The following RNF220 variants were observed in gnomAD, a reference collection of about 807,000 sequenced individuals.
RNF220 encodes ring finger protein 220, also known as E3 ubiquitin-protein ligase RNF220.
Under a neutral mutation model 67.1 loss-of-function variants are expected in RNF220, and 7 were observed. That is an observed-to-expected ratio of 0.10 (90% CI 0.06 to 0.20). RNF220 has a LOEUF of 0.20. Among genes scored for constraint, RNF220 ranks in the 10% least tolerant of loss-of-function variants. The pLI is 1.00. For missense variants in RNF220, 565 were observed against 740.3 expected (o/e 0.76, Z 2.75); for synonymous variants, 270 against 283.2 (o/e 0.95, Z 0.47).
At chr1:44,423,152 G>C (rs929538808) in intron 2 of RNF220, among the ~76,000 whole-genome samples, 1 of 152,194 alleles carries the variant, frequency 6.6e-6, no homozygotes, top group East Asian at 1.9e-4. Context: ...ATCTAATCTT[G>C]TCTAAGAGTC....
At chr1:44,551,433 A>G (rs1662627484) in intron 2 of RNF220, among the ~76,000 whole-genome samples, 1 of 151,400 alleles carries the variant, frequency 6.6e-6, no homozygotes, top group Non-Finnish European at 1.5e-5. Context: ...TGTTATTATT[A>G]ATAGGACTGA....
At chr1:44,520,264 C>T (rs767804200) in intron 2 of RNF220, among the ~76,000 whole-genome samples, 4 of 151,712 alleles carry the variant, frequency 2.6e-5, no homozygotes, top group East Asian at 1.9e-4. Flanking sequence ...AGATCGAGAC[C>T]GTCCTGGCTA....
intron 2 of RNF220, among the ~76,000 whole-genome samples, chr1:44,504,342 C>G (rs1658218117): frequency 1.3e-5 from 2 of 152,208 alleles, no homozygotes; most frequent in South Asian, 2.1e-4. Flanking sequence ...TTGGGCTAAT[C>G]TGCCCAAGGA....
chr1:44,604,256 G>A (rs1224811500), intron 2 of RNF220, among the ~76,000 whole-genome samples: 1 of 152,200 alleles, frequency 6.6e-6, no homozygotes, highest in Non-Finnish European at 1.5e-5. Flanking sequence ...GCATGTGCAG[G>A]TCCACATGTG....
intron 5 of RNF220, among the ~76,000 whole-genome samples, chr1:44,630,565 C>A (rs1017279466): frequency 6.6e-6 from 1 of 152,202 alleles, no homozygotes; most frequent in African/African-American, 2.4e-5. Flanking sequence ...CTTCCAAGTA[C>A]AAGGGACAGA....
chr1:44,556,734 A>G (rs773754658), intron 2 of RNF220, among the ~76,000 whole-genome samples: 1 of 151,382 alleles, frequency 6.6e-6, no homozygotes, highest in Non-Finnish European at 1.5e-5. Context: ...AATTTTTTCC[A>G]TTTTTTAGTA....
rs868585596 is a variant in RNF220 at position 44,527,925 on chromosome 1, C to A, written c.626-86240C>A. Among the ~76,000 whole-genome samples, 175 of 56,190 alleles carry A rather than the reference C, an allele frequency of 3.1e-3. 33 individuals are homozygous for A. Among genetic ancestry groups the A allele is most frequent in the Middle Eastern group, 0.011 (1 of 88 alleles). The allele number at this position is 56,190 out of a possible 152,430, so 36.9% of individuals were successfully genotyped here. ...TGGGTGACAGAGCAAGACTCCATCC[C>A]AAAAAAAAAAAAAAAAAAAAAAAAA... On this transcript the variant is annotated intron_variant, in intron 2 of 14. Coordinates refer to ENST00000361799, the MANE Select transcript of RNF220 (RefSeq NM_018150.4).
chr1:44,412,046 C>G lies in RNF220; in HGVS notation c.-52C>G. 1.3e-6 allele frequency: 2 copies of G among 1,561,494 alleles called. No homozygotes were observed. Among genetic ancestry groups the G allele is most frequent in the Admixed American group, 1.8e-5 (1 of 54,464 alleles). ...TGACCCAAAGTGCTGGTTGGCCTCC[C>G]TCCCAGGGAAGACTGCTTCTTGCGT... On this transcript the variant is annotated 5_prime_UTR_variant, in exon 2 of 15. Coordinates refer to ENST00000361799, the MANE Select transcript of RNF220 (RefSeq NM_018150.4). The surrounding 1 kb of genome is among the most constrained non-coding windows in gnomAD (Gnocchi z 5.3).
chr1:44,637,824 CGAGAAT>C (rs1433828135), intron 8 of RNF220, among the ~76,000 whole-genome samples: 9 of 152,168 alleles, frequency 5.9e-5, no homozygotes, highest in Non-Finnish European at 2.9e-5. Context: ...ATTTGGAGAG[CGAGAAT>C]GAGAGTGAGA....
intron 2 of RNF220, among the ~76,000 whole-genome samples, chr1:44,446,545 G>A (rs367559157): frequency 1.7e-4 from 26 of 150,666 alleles, no homozygotes; most frequent in African/African-American, 4.9e-4. Context: ...GGACCGGGCC[G>A]TTCCTTGGAG....
rs576592330 is a variant in RNF220, at chr1:44,454,047, G to A, written c.625+41325G>A. ...TGTATGAGAGAATGAGAGGGAAAGAGTCAAAACATCTTAGTATCATTATCA... is the reference window on the plus strand; with the variant it reads ...TGTATGAGAGAATGAGAGGGAAAGAATCAAAACATCTTAGTATCATTATCA... On this transcript the variant is annotated intron_variant, in intron 2 of 14. Transcript: ENST00000361799. Among the ~76,000 whole-genome samples the A allele has an allele frequency of 3.9e-5, 6 of 152,322 alleles. No individual in the cohort carries two copies. The South Asian group carries it at 1.0e-3, about 26-fold the overall frequency.
intron 5 of RNF220, 135 bp from the exon 6 acceptor site, chr1:44,632,208 A>C: frequency 6.2e-7 from 1 of 1,602,388 alleles, no homozygotes; most frequent in Non-Finnish European, 8.5e-7. Flanking sequence ...GGAGGGAGGA[A>C]GTAGGTTTGT....
chr1:44,576,621 C>T (rs1240305375), intron 2 of RNF220, among the ~76,000 whole-genome samples: 3 of 152,064 alleles, frequency 2.0e-5, no homozygotes, highest in Non-Finnish European at 2.9e-5. Flanking sequence ...ACCGGATTTG[C>T]CTTGTAAACA....
chr1:44,626,982 A>T (rs1239762529), intron 5 of RNF220: 1 of 137,054 alleles, frequency 7.3e-6, no homozygotes. Flanking sequence ...GGTTGCAGTG[A>T]GCCAAGATTG....
At chr1:44,501,480 C>T (rs1046781871) in intron 2 of RNF220, among the ~76,000 whole-genome samples, 5 of 152,180 alleles carry the variant, frequency 3.3e-5, no homozygotes, top group Admixed American at 2.0e-4. Context: ...AGAGGAGGAG[C>T]AGGCGTCCCA....
intron 2 of RNF220, among the ~76,000 whole-genome samples, chr1:44,495,252 CAA>C (rs55870438): frequency 1.3e-3 from 174 of 130,076 alleles, no homozygotes; most frequent in African/African-American, 4.7e-3. Context: ...ACAAAAGATA[CAA>C]AAAAAAAAAA....
intron 2 of RNF220, among the ~76,000 whole-genome samples, chr1:44,463,307 C>T (rs1310014767): frequency 6.6e-6 from 1 of 150,604 alleles, no homozygotes; most frequent in Non-Finnish European, 1.5e-5. Flanking sequence ...TGCTCTCCAG[C>T]CTGGGCAACA....
chr1:44,636,362 G>A (rs998507245), intron 8 of RNF220, 200 bp downstream of exon 8: 3 of 770,098 alleles, frequency 3.9e-6, no homozygotes, highest in South Asian at 2.9e-5. Flanking sequence ...ATTTGGGTGG[G>A]GAAATGGAAT....
At chr1:44,501,119 G>A (rs1657821501) in intron 2 of RNF220, among the ~76,000 whole-genome samples, 1 of 147,924 alleles carries the variant, frequency 6.8e-6, no homozygotes, top group African/African-American at 2.5e-5. Flanking sequence ...CTTTCCACCA[G>A]CCCGAGTGAC....
Sources: allele counts gnomAD v4.1 joint callset (sites outside exome capture counted in the v4.1 genomes callset), GRCh38; gene constraint gnomAD v4.1.1; non-coding constraint Gnocchi (gnomAD v3.1); transcripts MANE v1.5; gene names NCBI Gene and HGNC (gene_info 2026-07-23, HGNC 2026-07-21).